Variants in KCNT2 observed in about 807,000 individuals in gnomAD.
The protein encoded by KCNT2 is potassium channel subfamily T member 2.
Under a neutral mutation model 153.8 loss-of-function variants are expected in KCNT2, and 67 were observed. The observed-to-expected ratio is 0.44, with a 90% confidence interval of 0.36 to 0.53. KCNT2 has a LOEUF of 0.53. Among genes scored for constraint, KCNT2 ranks in the 20% least tolerant of loss-of-function variants. The probability of loss-of-function intolerance (pLI) is 0.00; values close to 1 mark genes in which losing one functional copy is unlikely to be tolerated. For synonymous variants in KCNT2, 500 were observed against 458.8 expected, an observed-to-expected ratio of 1.09 and a Z score of -1.15; for missense variants, 975 against 1,354.8, an observed-to-expected ratio of 0.72 and a Z score of 4.40.
chr1:196,260,228 A>T (rs962764003), intron 25 of KCNT2, among the ~76,000 whole-genome samples: 5 of 151,912 alleles, frequency 3.3e-5, no homozygotes, highest in African/African-American at 4.8e-5. Context: ...TGCCAAACCA[A>T]ACATTAAAGA....
chr1:196,416,772 A>C (rs1311495274), intron 12 of KCNT2, among the ~76,000 whole-genome samples: 4 of 152,116 alleles, frequency 2.6e-5, no homozygotes, highest in African/African-American at 4.8e-5. Context: ...TTTGTGTTAC[A>C]CATAATCCAA....
chr1:196,340,438 T>C lies in KCNT2; in HGVS notation c.1686A>G (p.Ala562=). 6.2e-7 allele frequency: 1 copy of C among 1,612,776 alleles called. No homozygotes were observed. The highest frequency in any genetic ancestry group is 8.5e-7 in the Non-Finnish European group (1 of 1,179,142). Residue 562 remains alanine, a synonymous_variant, in exon 16 of 28, where the codon GCA becomes GCG. Transcript: ENST00000294725. ...YINITKEENS[A]FKNQDQQRKS... ...TTCTCTGCTGGTCTTGGTTTTTAAA[T>C]GCTGAATTCTCTTCTTTGGTAATAT... is the stretch of plus-strand genomic sequence containing the variant.
At chr1:196,422,332 G>A (rs1673284593) in intron 12 of KCNT2, among the ~76,000 whole-genome samples, 1 of 151,794 alleles carries the variant, frequency 6.6e-6, no homozygotes, top group Non-Finnish European at 1.5e-5. Flanking sequence ...ACCACCAATT[G>A]TTCTCATTTG....
At chr1:196,477,884 C>A (rs1205387385) in intron 5 of KCNT2, among the ~76,000 whole-genome samples, 4 of 152,200 alleles carry the variant, frequency 2.6e-5, no homozygotes, top group Admixed American at 2.0e-4. Flanking sequence ...ACTATCAGGT[C>A]TTAATAGTGA....
At chr1:196,398,536 T>C in intron 13 of KCNT2, 27 bp downstream of exon 13, 1 of 1,271,184 alleles carries the variant, frequency 7.9e-7, no homozygotes, top group Non-Finnish European at 1.1e-6. Context: ...GGAAATTCAA[T>C]GGATCTCATG....
At chr1:196,427,462 T>C (rs979088514) in intron 10 of KCNT2, among the ~76,000 whole-genome samples, 1 of 152,078 alleles carries the variant, frequency 6.6e-6, no homozygotes, top group East Asian at 1.9e-4. Context: ...ACAGACTAAG[T>C]GCAGTAAGCA....
chr1:196,242,254 A>C (rs1655026924), intron 26 of KCNT2, among the ~76,000 whole-genome samples: 1 of 152,124 alleles, frequency 6.6e-6, no homozygotes, highest in Non-Finnish European at 1.5e-5. Context: ...ATTGCATGTC[A>C]ACTAAAAGGT....
chr1:196,429,795 A>G, intron 8 of KCNT2, 38 bp from the exon 9 acceptor site: 1 of 1,390,244 alleles, frequency 7.2e-7, no homozygotes, highest in Non-Finnish European at 9.9e-7. Context: ...AAATCTTTCA[A>G]ACTGGACACA....
intron 1 of KCNT2, among the ~76,000 whole-genome samples, chr1:196,572,812 A>T (rs2148954588): frequency 6.6e-6 from 1 of 152,224 alleles, no homozygotes; most frequent in African/African-American, 2.4e-5. Flanking sequence ...TTGCTGCAAA[A>T]GCTTTTATGG....
intron 5 of KCNT2, among the ~76,000 whole-genome samples, chr1:196,472,549 T>G (rs73067688): frequency 0.018 from 2,794 of 152,280 alleles, 83 homozygotes; most frequent in African/African-American, 0.063. Context: ...ATATTTTATC[T>G]CTTGAGATTC....
At position 196,343,999 on chromosome 1, in the gene KCNT2, T is replaced by C. The variant is rs192747157; in HGVS notation, c.1404-1771A>G. ...TTCACCATGCTGGACAGACTGGTCT[T>C]GAACTCCCAACCTCAGGCGATCCGC... On this transcript the variant is annotated intron_variant, in intron 14 of 27. Transcript: ENST00000294725. 7.0e-4 allele frequency among the ~76,000 whole-genome samples: 106 copies of C among 152,244 alleles called. 1 individual carries two copies. Among genetic ancestry groups the C allele is most frequent in the Non-Finnish European group, 2.2e-4 (15 of 67,996 alleles).
chr1:196,541,497 T>C lies in KCNT2; in HGVS notation c.96-49156A>G, dbSNP rs75532895. Among the ~76,000 whole-genome samples, 221 of 152,272 alleles carry C rather than the reference T, an allele frequency of 1.5e-3. 2 individuals are homozygous for C. The highest frequency in any genetic ancestry group is 5.1e-3 in the African/African-American group (213 of 41,566). ...CTTGAAAATCAAATGTCAGTGTCCA[T>C]ATACAAAGTCTTATTGGCGCACAAA... On this transcript the variant is annotated intron_variant, in intron 1 of 27. Coordinates refer to ENST00000294725, the MANE Select transcript of KCNT2 (RefSeq NM_198503.5).
chr1:196,306,978 T>C (rs1661692159), intron 21 of KCNT2, among the ~76,000 whole-genome samples: 1 of 152,080 alleles, frequency 6.6e-6, no homozygotes, highest in South Asian at 2.1e-4. Flanking sequence ...TAAATACTAC[T>C]GTAGTTATTG....
chr1:196,399,262 C>A (rs1671216314), intron 12 of KCNT2, among the ~76,000 whole-genome samples: 1 of 151,438 alleles, frequency 6.6e-6, no homozygotes, highest in Admixed American at 6.6e-5. Context: ...ATAGTAGTCA[C>A]CCCATAAATT....
chr1:196,542,019 T>C lies in KCNT2; in HGVS notation c.96-49678A>G, dbSNP rs555364363. 1.4e-3 allele frequency among the ~76,000 whole-genome samples: 220 copies of C among 152,088 alleles called. 2 individuals carry two copies. The highest frequency in any genetic ancestry group is 5.1e-3 in the African/African-American group (212 of 41,544). On this transcript the variant is annotated intron_variant, in intron 1 of 27. Coordinates refer to ENST00000294725, the MANE Select transcript of KCNT2 (RefSeq NM_198503.5). The stretch of plus-strand genomic sequence containing the variant: ...ACAACATAATTTACAAAATGAAATA[T>C]ACAAGAGCATTTATAATTTTAAAAA...
At position 196,489,875 on chromosome 1, in the gene KCNT2, G is replaced by A; in HGVS notation, c.238C>T (p.Arg80Ter). The part of the protein sequence containing the change: ...KLLSCLLYII[R>*]VLLENPSQGN... ...TGTGAAGGGTTTTCTAGTAGTACTC[G>A]GATTATGTATAATAAGCAGCTTAGT... Residue 80 changes from arginine (R) to a stop codon, truncating the protein, a stop_gained, in exon 3 of 28, where the codon CGA (arginine) becomes TGA (stop). Transcript: ENST00000294725. LOFTEE classifies it high-confidence loss of function. The A allele has an allele frequency of 6.3e-7, 1 of 1,590,354 alleles. No individual in the cohort carries two copies. Among genetic ancestry groups the A allele is most frequent in the Non-Finnish European group, 8.6e-7 (1 of 1,167,998 alleles).
At chr1:196,506,344 G>T (rs368458863) in intron 1 of KCNT2, among the ~76,000 whole-genome samples, 1 of 152,046 alleles carries the variant, frequency 6.6e-6, no homozygotes. Flanking sequence ...AATACAAAAC[G>T]TTCCTAAAAT....
chr1:196,506,665 C>A (rs1397068258), intron 1 of KCNT2, among the ~76,000 whole-genome samples: 2 of 152,088 alleles, frequency 1.3e-5, no homozygotes, highest in Non-Finnish European at 2.9e-5. Flanking sequence ...ACCACAAGAG[C>A]CTTGATCCTA....
intron 1 of KCNT2, among the ~76,000 whole-genome samples, chr1:196,496,293 C>A (rs1458323310): frequency 2.0e-5 from 3 of 151,812 alleles, no homozygotes; most frequent in African/African-American, 7.3e-5. Flanking sequence ...CATGGTGAAA[C>A]CCCAGCTCTA....
Sources: gnomAD v4.1 joint callset for allele counts (sites outside exome capture counted in the v4.1 genomes callset) on GRCh38, gnomAD v4.1.1 for gene constraint, MANE v1.5 for transcripts, NCBI Gene and HGNC (gene_info 2026-07-23, HGNC 2026-07-21) for gene names.